The following SLC44A3 variants were observed in gnomAD, a reference collection of about 807,000 sequenced individuals.
SLC44A3 encodes solute carrier family 44 member 3, also known as choline transporter-like protein 3.
In SLC44A3, 74 loss-of-function variants were observed where a neutral mutation model predicts 75.4. The ratio of observed to expected loss-of-function variants is 0.98; its 90% CI spans 0.81 to 1.19. The LOEUF (loss-of-function observed/expected upper bound fraction) is 1.19. Ranked by LOEUF, SLC44A3 falls within the 50% of genes most tolerant of loss-of-function variation. The pLI is 0.00. For missense variants in SLC44A3, 700 were observed against 778.6 expected (o/e 0.90, Z 1.20); for synonymous variants, 310 against 296.9 (o/e 1.04, Z -0.45).
chr1:94,892,591 G>A lies in SLC44A3; in HGVS notation c.1857+74G>A, dbSNP rs961960662. On this transcript the variant is annotated intron_variant, in intron 14 of 14. Coordinates refer to ENST00000271227, the MANE Select transcript of SLC44A3 (RefSeq NM_001114106.3). ...GAAAGTTTTGTAAAGCTGCACACAC[G>A]AAAGAGGCTCATACCCAGCCTCTCT... is the stretch of plus-strand genomic sequence containing the variant. The A allele has an allele frequency of 4.3e-5, 61 of 1,407,794 alleles. 1 individual carries two copies. The highest frequency in any genetic ancestry group is 1.9e-4 in the Middle Eastern group (1 of 5,216). The allele number at this position is 1,407,794 out of a possible 1,614,324, so 87.2% of individuals were successfully genotyped here.
chr1:94,891,275 A>G lies in SLC44A3; in HGVS notation c.1620+8A>G. ...ATAATTTTTCTAGGAAAGGTGAGAT[A>G]TCTTGACTAAATAAAGGAGCCTGGG... On this transcript the variant is annotated splice_region_variant and intron_variant, in intron 13 of 14. Coordinates refer to ENST00000271227, the MANE Select transcript of SLC44A3 (RefSeq NM_001114106.3). 3.1e-6 allele frequency: 5 copies of G among 1,596,660 alleles called. No homozygotes were observed. Among genetic ancestry groups the G allele is most frequent in the East Asian group, 2.2e-5 (1 of 44,612 alleles).
intron 12 of SLC44A3, among the ~76,000 whole-genome samples, chr1:94,871,314 G>C (rs527821809): frequency 6.6e-6 from 1 of 152,218 alleles, no homozygotes; most frequent in African/African-American, 2.4e-5. Context: ...TCCAGAAAAG[G>C]CTGGTCAGGG....
At chr1:94,884,940 T>G (rs1760516) in intron 12 of SLC44A3, among the ~76,000 whole-genome samples, 118,387 of 152,026 alleles carry the variant, frequency 0.78, 46,619 homozygotes, top group Non-Finnish European at 0.84. Context: ...TAATTACAAT[T>G]TTCTATAAAA....
At chr1:94,832,038 G>A (rs1662200601) in intron 5 of SLC44A3, among the ~76,000 whole-genome samples, 1 of 151,910 alleles carries the variant, frequency 6.6e-6, no homozygotes. Flanking sequence ...GTGATGGCAG[G>A]CGCCTGTAAT....
chr1:94,859,430 G>A (rs1272426630), intron 10 of SLC44A3, among the ~76,000 whole-genome samples: 1 of 152,136 alleles, frequency 6.6e-6, no homozygotes, highest in Non-Finnish European at 1.5e-5. Context: ...GAGGGAGGTG[G>A]AGCAGTGCCC....
intron 7 of SLC44A3, among the ~76,000 whole-genome samples, chr1:94,841,298 T>C (rs543793970): frequency 6.6e-6 from 1 of 152,352 alleles, no homozygotes; most frequent in South Asian, 2.1e-4. Flanking sequence ...GATGACTATA[T>C]TTTAATTTTT....
intron 12 of SLC44A3, among the ~76,000 whole-genome samples, chr1:94,875,744 A>G (rs1668211354): frequency 6.6e-6 from 1 of 152,126 alleles, no homozygotes; most frequent in Non-Finnish European, 1.5e-5. Flanking sequence ...TTCCAACAAC[A>G]CTAGTTGAAA....
At chr1:94,864,529 T>G (rs934844863) in intron 10 of SLC44A3, among the ~76,000 whole-genome samples, 2 of 152,210 alleles carry the variant, frequency 1.3e-5, no homozygotes, top group African/African-American at 4.8e-5. Flanking sequence ...TTAAATTTTT[T>G]CTGTTTTATT....
At chr1:94,837,960 CTT>C in intron 6 of SLC44A3, 89 bp downstream of exon 6, 1 of 1,194,336 alleles carries the variant, frequency 8.4e-7, no homozygotes, top group Non-Finnish European at 1.1e-6. Flanking sequence ...AAATTAGCCT[CTT>C]GTTTTAAATA....
chr1:94,892,151 C>A, intron 13 of SLC44A3, 130 bp from the exon 14 acceptor site: 1 of 854,344 alleles, frequency 1.2e-6, no homozygotes, highest in Non-Finnish European at 1.8e-6. Context: ...AAATTTCTGA[C>A]AAGCATTCTT....
chr1:94,852,175 A>G (rs902303969), intron 9 of SLC44A3, among the ~76,000 whole-genome samples: 4 of 152,158 alleles, frequency 2.6e-5, no homozygotes, highest in African/African-American at 9.7e-5. Context: ...TTTTCTTCCA[A>G]TTTGGAGGGT....
At chr1:94,867,513 C>T in intron 12 of SLC44A3, 96 bp downstream of exon 12, 1 of 835,104 alleles carries the variant, frequency 1.2e-6, no homozygotes, top group Non-Finnish European at 1.8e-6. Context: ...CTCTAAGGGG[C>T]TAAATTGTGT....
chr1:94,837,954 T>C, intron 6 of SLC44A3, 83 bp downstream of exon 6: 1 of 1,223,146 alleles, frequency 8.2e-7, no homozygotes, highest in Non-Finnish European at 1.1e-6. Context: ...CAATGAAAAT[T>C]AGCCTCTTGT....
intron 12 of SLC44A3, among the ~76,000 whole-genome samples, chr1:94,873,023 T>C (rs1167819872): frequency 2.6e-5 from 4 of 152,246 alleles, no homozygotes; most frequent in African/African-American, 9.6e-5. Context: ...CATTTATCTG[T>C]ATCTACTTAC....
chr1:94,895,105 T>G lies in SLC44A3; in HGVS notation c.*183T>G. The G allele has an allele frequency of 1.9e-6, 1 of 532,818 alleles. No individual in the cohort carries two copies. 33.0% of individuals were successfully genotyped at this position (532,818 alleles called of 1,614,324 possible). ...GGTAACAATACTGGAACTATATTAG[T>G]TTACCTTTTTTTGTACAAATTAGGA... On this transcript the variant is annotated 3_prime_UTR_variant, in exon 15 of 15. Coordinates refer to ENST00000271227, the MANE Select transcript of SLC44A3 (RefSeq NM_001114106.3).
intron 3 of SLC44A3, chr1:94,825,846 G>T (rs1444495373): frequency 2.2e-6 from 1 of 456,098 alleles, no homozygotes; most frequent in Non-Finnish European, 4.4e-6. Flanking sequence ...CACTTACAAA[G>T]AAGACAGGAG....
chr1:94,894,627 T>C (rs1038107785), intron 14 of SLC44A3, among the ~76,000 whole-genome samples, 191 bp from the exon 15 acceptor site: 2 of 152,210 alleles, frequency 1.3e-5, no homozygotes, highest in Non-Finnish European at 2.9e-5. Context: ...GAATTATCTG[T>C]ACCCCATTTA....
At chr1:94,891,780 G>A (rs1191603554) in intron 13 of SLC44A3, among the ~76,000 whole-genome samples, 6 of 151,932 alleles carry the variant, frequency 3.9e-5, no homozygotes, top group East Asian at 1.9e-4. Context: ...AAAATTAGCC[G>A]GGTGTGGTGG....
intron 3 of SLC44A3, 108 bp downstream of exon 3, chr1:94,824,743 C>T: frequency 7.3e-7 from 1 of 1,364,164 alleles, no homozygotes; most frequent in Non-Finnish European, 9.9e-7. Flanking sequence ...CTCTGTCAGC[C>T]TATTTTATAA....
Sources: allele counts gnomAD v4.1 joint callset (sites outside exome capture counted in the v4.1 genomes callset), GRCh38; gene constraint gnomAD v4.1.1; transcripts MANE v1.5; gene names NCBI Gene and HGNC (gene_info 2026-07-23, HGNC 2026-07-21).